Variants in POLR1A observed in about 807,000 individuals in gnomAD.
POLR1A encodes RNA polymerase I subunit A, also known as DNA-directed RNA polymerase I subunit RPA1.
Under a neutral mutation model 205.3 loss-of-function variants are expected in POLR1A, and 84 were observed. The ratio of observed to expected loss-of-function variants is 0.41; its 90% CI spans 0.34 to 0.49. The LOEUF (loss-of-function observed/expected upper bound fraction) is 0.49. Among genes scored for constraint, POLR1A ranks in the 20% least tolerant of loss-of-function variants. The pLI is 0.22. For missense variants in POLR1A, 1,645 were observed against 2,204.5 expected (o/e 0.75, Z 5.08); for synonymous variants, 799 against 863.7 (o/e 0.93, Z 1.31).
At chr2:86,069,198 C>T (rs994988020) in intron 13 of POLR1A, among the ~76,000 whole-genome samples, 2 of 152,184 alleles carry the variant, frequency 1.3e-5, no homozygotes, top group African/African-American at 2.4e-5. Context: ...TTTGACGTTA[C>T]GATTATTCTT....
intron 16 of POLR1A, among the ~76,000 whole-genome samples, chr2:86,050,055 C>A (rs1410847171): frequency 6.6e-6 from 1 of 152,096 alleles, no homozygotes; most frequent in East Asian, 1.9e-4. Context: ...GTAGCTGGGA[C>A]TACAGGTGCA....
chr2:86,041,761 C>T, intron 24 of POLR1A, 128 bp downstream of exon 24: 1 of 762,150 alleles, frequency 1.3e-6, no homozygotes, highest in Non-Finnish European at 2.2e-6. Flanking sequence ...TCTTACTGCC[C>T]TCCCTCTAGC....
intron 12 of POLR1A, among the ~76,000 whole-genome samples, chr2:86,071,465 C>T (rs311578): frequency 0.3 from 45,516 of 152,102 alleles, 8,339 homozygotes; most frequent in East Asian, 0.53. Context: ...TACTTTCCTA[C>T]ATCTTAGCAT....
chr2:86,090,860 G>A (rs949733107), intron 3 of POLR1A, among the ~76,000 whole-genome samples: 2 of 152,322 alleles, frequency 1.3e-5, no homozygotes, highest in South Asian at 4.1e-4. Context: ...GCAGGGGCTC[G>A]CTTGAGCCCA....
At chr2:86,080,372 T>G (rs1241621162) in intron 9 of POLR1A, among the ~76,000 whole-genome samples, 1 of 152,152 alleles carries the variant, frequency 6.6e-6, no homozygotes, top group Non-Finnish European at 1.5e-5. Context: ...GCTGGAGACA[T>G]TAACGTGTCC....
In POLR1A at chr2:86,028,347, A is replaced by G. The variant is rs1356529347; in HGVS notation, c.4897+247T>C. 6.6e-6 allele frequency among the ~76,000 whole-genome samples: 1 copy of G among 152,210 alleles called. No homozygotes were observed. Among genetic ancestry groups the G allele is most frequent in the Non-Finnish European group, 1.5e-5 (1 of 68,042 alleles). ...AAGGCAGGATGGGGCCAAGTTATCA[A>G]TCAGGAGCTTTCTCTAAGGCACCAG... On this transcript the variant is annotated intron_variant, in intron 32 of 33. Coordinates refer to ENST00000263857, the MANE Select transcript of POLR1A (RefSeq NM_015425.6). The surrounding 1 kb of genome is among the most constrained non-coding windows in gnomAD (Gnocchi z 4.5).
At position 86,049,055 on chromosome 2, in the gene POLR1A, C is replaced by T. The variant is rs1672755366; in HGVS notation, c.2476-13G>A. ...CAGCCCTGACAGCCTAGAATGAGAA[C>T]AGAAACACAGCGGAGGCTGAGGCCA... On this transcript the variant is annotated splice_polypyrimidine_tract_variant and intron_variant, in intron 17 of 33. Transcript: ENST00000263857. 2 of 1,614,178 alleles carry T rather than the reference C, an allele frequency of 1.2e-6. No homozygotes were observed. The highest frequency in any genetic ancestry group is 2.2e-5 in the South Asian group (2 of 91,082).
chr2:86,036,267 C>T (rs923329611), intron 27 of POLR1A, among the ~76,000 whole-genome samples: 2 of 152,204 alleles, frequency 1.3e-5, no homozygotes, highest in East Asian at 1.9e-4. Flanking sequence ...CTTACAGCCC[C>T]TAACTCCTAG....
Position 86,045,302 on chromosome 2 carries a change from GT to G in POLR1A, c.2944del (p.Thr982ProfsTer15). ...CCTTTGGAGATAGCCTGAGCGGCTGGTTTTCACAGCAGTGTCCACCAGGCCC... is the reference window on the plus strand; with the variant it reads ...CCTTTGGAGATAGCCTGAGCGGCTGGTTTCACAGCAGTGTCCACCAGGCCC... ...REGLVDTAVK[T>X]SRSGYLQRCI... is the part of the protein sequence containing the mutation. On this transcript the variant is annotated frameshift_variant, in exon 21 of 34. Transcript: ENST00000263857. LOFTEE classifies it high-confidence loss of function. 6.2e-7 allele frequency: 1 copy of G among 1,613,656 alleles called. No homozygotes were observed. Among genetic ancestry groups the G allele is most frequent in the Non-Finnish European group, 8.5e-7 (1 of 1,179,530 alleles).
chr2:86,031,787 G>A (rs899339910), intron 29 of POLR1A, 152 bp from the exon 30 acceptor site: 2 of 1,065,410 alleles, frequency 1.9e-6, no homozygotes, highest in Admixed American at 2.3e-5. Flanking sequence ...GCTCCGGCCT[G>A]GTTGGTCTTT....
At chr2:86,071,233 T>TGCGCGC (rs1558777093) in intron 12 of POLR1A, among the ~76,000 whole-genome samples, 28 of 6,806 alleles carry the variant, frequency 4.1e-3, no homozygotes, top group African/African-American at 4.8e-3. Flanking sequence ...TGTGCATGTG[T>TGCGCGC]GTGTGTGTGT....
At chr2:86,038,096 C>T (rs1241421784) in intron 27 of POLR1A, among the ~76,000 whole-genome samples, 2 of 152,248 alleles carry the variant, frequency 1.3e-5, no homozygotes, top group African/African-American at 4.8e-5. Flanking sequence ...CCCCGGAACT[C>T]AGCATTGTGG....
Position 86,089,906 on chromosome 2 carries a change from G to A in POLR1A, c.456C>T (p.Pro152=). 1 of 1,605,508 alleles carries A rather than the reference G, an allele frequency of 6.2e-7. No individual in the cohort carries two copies. The highest frequency in any genetic ancestry group is 1.7e-4 in the Middle Eastern group (1 of 6,046). ...ATTCCTCCCGAATTTCAGAGGCAGA[G>A]GGATCGGGATTTTCTTCCAGAAACT... The part of the protein sequence containing the change: ...LNRFLEENPD[P]SASEIREELE... Residue 152 remains proline, a synonymous_variant, in exon 4 of 34, where the codon CCC becomes CCT. Transcript: ENST00000263857.
chr2:86,047,116 C>T lies in POLR1A; in HGVS notation c.2733+49G>A, dbSNP rs1458049969. On this transcript the variant is annotated intron_variant, in intron 19 of 33. Transcript: ENST00000263857. ...TGAAACCACCTCCTGCTATCCCCCA[C>T]CTGCCTTTGCTGACACCTGTAAAGC... 10 of 1,282,514 alleles carry T rather than the reference C, an allele frequency of 7.8e-6. No individual in the cohort carries two copies. The African/African-American group carries it at 1.0e-4, about 13-fold the overall frequency. The allele number at this position is 1,282,514 out of a possible 1,614,324, so 79.4% of individuals were successfully genotyped here. A position where few individuals can be genotyped will look rare whatever the true frequency, so the allele number is the denominator to read the frequency against.
Position 86,083,165 on chromosome 2 carries a change from A to G in POLR1A, c.734T>C (p.Ile245Thr), listed in dbSNP as rs745337741. The change falls in exon 7 of 34, where the codon ATT (isoleucine) becomes ACT (threonine). Residue 245 changes from isoleucine (I) to threonine (T), a missense_variant. By Grantham distance (89) the Ile-to-Thr change is moderately conservative (BLOSUM62 -1). Transcript: ENST00000263857. ...TCGTTTTCCTATCTGAGCTTCCTCAATTCCTGGAGCCAAGGAGGAGAATCA... is the reference window on the plus strand; with the variant it reads ...TCGTTTTCCTATCTGAGCTTCCTCAGTTCCTGGAGCCAAGGAGGAGAATCA... The part of the protein sequence containing the change: ...AGQKDSEPLG[I>T]EEAQIGKRGY... 9.9e-6 allele frequency: 16 copies of G among 1,611,728 alleles called. No homozygotes were observed. The South Asian group carries it at 1.8e-4, about 18-fold the overall frequency.
At chr2:86,066,348 G>T (rs1344692018) in intron 13 of POLR1A, among the ~76,000 whole-genome samples, 1 of 152,138 alleles carries the variant, frequency 6.6e-6, no homozygotes, top group Non-Finnish European at 1.5e-5. Context: ...AAAAAGAAAG[G>T]CTTTTATGAA....
intron 28 of POLR1A, 23 bp from the exon 29 acceptor site, chr2:86,032,405 A>G (rs1672415370): frequency 3.3e-6 from 5 of 1,523,168 alleles, no homozygotes; most frequent in East Asian, 2.2e-5. Flanking sequence ...GGCAAGGAAG[A>G]AAAAGATTAA....
chr2:86,089,963 G>A (rs751267789), intron 3 of POLR1A, 34 bp from the exon 4 acceptor site: 3 of 1,095,198 alleles, frequency 2.7e-6, no homozygotes, highest in South Asian at 2.5e-5. Flanking sequence ...CATTATCACA[G>A]TAATGTACAC....
Position 86,033,663 on chromosome 2 carries a change from G to C in POLR1A, c.4159C>G (p.Arg1387Gly). ...LDNAGELGRS[R>G]GEQEGDEEEE... ...GTGACCCCCGGGGACTCACTCACCC[G>C]ACTCCTCCCCAACTCCCCAGCGTTG... Residue 1387 changes from arginine to glycine, a missense_variant and splice_region_variant, in exon 28 of 34, where the codon CGG becomes GGG. This residue lies in a region of POLR1A where 394 missense variants were observed against 468.5 expected (regional missense o/e 0.84). Coordinates refer to ENST00000263857, the MANE Select transcript of POLR1A (RefSeq NM_015425.6). The C allele has an allele frequency of 6.2e-7, 1 of 1,613,084 alleles. No individual in the cohort carries two copies. Among genetic ancestry groups the C allele is most frequent in the Non-Finnish European group, 8.5e-7 (1 of 1,179,812 alleles).
Sources: gnomAD v4.1 joint callset for allele counts (sites outside exome capture counted in the v4.1 genomes callset) on GRCh38, gnomAD v4.1.1 for gene constraint, gnomAD v4.1.1 regional missense constraint, Gnocchi (gnomAD v3.1) non-coding constraint, MANE v1.5 for transcripts, NCBI Gene and HGNC (gene_info 2026-07-23, HGNC 2026-07-21) for gene names.